FHIP1A: variants seen among roughly 807,000 people sequenced by gnomAD.
FHIP1A encodes the protein FHF complex subunit HOOK-interacting protein 1A.
A neutral mutation model predicts 88.6 loss-of-function variants in FHIP1A; 61 were observed. The ratio of observed to expected loss-of-function variants is 0.69; its 90% confidence interval spans 0.56 to 0.85. The LOEUF (loss-of-function observed/expected upper bound fraction) is 0.85. Among genes scored for constraint, FHIP1A ranks in the 40% least tolerant of loss-of-function variants. The pLI is 0.00. For synonymous variants in FHIP1A, 478 were observed against 496.0 expected (o/e 0.96, Z 0.48); for missense variants, 1,154 against 1,273.5 (o/e 0.91, Z 1.43).
At chr4:151,600,833 G>C (rs1734842064) in intron 7 of FHIP1A, among the ~76,000 whole-genome samples, 1 of 152,196 alleles carries the variant, frequency 6.6e-6, no homozygotes, top group African/African-American at 2.4e-5. Flanking sequence ...AGGACTCCGA[G>C]AGTGAGTGTG....
intron 3 of FHIP1A, among the ~76,000 whole-genome samples, chr4:151,489,372 G>T (rs986491748): frequency 3.3e-5 from 5 of 152,316 alleles, no homozygotes; most frequent in African/African-American, 1.2e-4. Flanking sequence ...GCAGAATTGG[G>T]GAGGGGCCAC....
intron 3 of FHIP1A, among the ~76,000 whole-genome samples, chr4:151,486,711 A>T (rs1032686936): frequency 6.6e-6 from 1 of 152,104 alleles, no homozygotes; most frequent in African/African-American, 2.4e-5. Flanking sequence ...TCATGTCTGT[A>T]ATCCCAGCAC....
At chr4:151,518,634 T>TTTCCCTCCCTCCCTCC (rs1731335564) in intron 3 of FHIP1A, among the ~76,000 whole-genome samples, 1 of 79,720 alleles carries the variant, frequency 1.3e-5, no homozygotes, top group African/African-American at 4.9e-5. Flanking sequence ...TAACTATCCA[T>TTTCCCTCCCTCCCTCC]TTCCCTCCCT....
At chr4:151,596,078 T>A (rs1329205301) in intron 7 of FHIP1A, among the ~76,000 whole-genome samples, 1 of 152,228 alleles carries the variant, frequency 6.6e-6, no homozygotes, top group Non-Finnish European at 1.5e-5. Context: ...TGATGCTAGC[T>A]GGTTATTTTG....
At chr4:151,542,074 G>A (rs2126729092) in intron 3 of FHIP1A, among the ~76,000 whole-genome samples, 2 of 152,172 alleles carry the variant, frequency 1.3e-5, no homozygotes, top group South Asian at 4.2e-4. Flanking sequence ...CTCTCACTTT[G>A]TTGAGAGGTT....
rs1728908845 is a variant in FHIP1A, at chr4:151,454,681, A to AC, written c.-355-19dup. ...AAATGCACAGGTGTTTTTCTGAAGG[A>AC]CTTTTTTTTTTTTTTCCAGGTGATA... On this transcript the variant is annotated intron_variant, in intron 1 of 13. Coordinates refer to ENST00000435205, the MANE Select transcript of FHIP1A (RefSeq NM_001109977.3). 1 of 150,798 alleles carries AC rather than the reference A, an allele frequency of 6.6e-6. No individual in the cohort carries two copies. The highest frequency in any genetic ancestry group is 2.4e-5 in the African/African-American group (1 of 40,990). 9.3% of individuals were successfully genotyped at this position (150,798 alleles called of 1,614,324 possible).
At chr4:151,473,615 T>C (rs764894224) in intron 2 of FHIP1A, among the ~76,000 whole-genome samples, 4 of 152,174 alleles carry the variant, frequency 2.6e-5, no homozygotes, top group Non-Finnish European at 5.9e-5. Flanking sequence ...TTTACCTCTC[T>C]CTGTGTGAAA....
intron 3 of FHIP1A, among the ~76,000 whole-genome samples, chr4:151,558,031 CT>C (rs1335826592): frequency 2.0e-5 from 3 of 152,116 alleles, no homozygotes; most frequent in African/African-American, 7.2e-5. Context: ...GGTAAACAAT[CT>C]TGTCAGAATT....
intron 3 of FHIP1A, among the ~76,000 whole-genome samples, chr4:151,530,787 C>G (rs1326973916): frequency 6.6e-6 from 1 of 152,184 alleles, no homozygotes; most frequent in Admixed American, 6.5e-5. Flanking sequence ...CTGAAACATT[C>G]TGGCTGGGTG....
At chr4:151,530,357 G>A (rs931029282) in intron 3 of FHIP1A, among the ~76,000 whole-genome samples, 1 of 152,152 alleles carries the variant, frequency 6.6e-6, no homozygotes, top group Admixed American at 6.5e-5. Context: ...CTGGCACATG[G>A]TAGGCATACG....
intron 9 of FHIP1A, among the ~76,000 whole-genome samples, chr4:151,645,529 C>G (rs1454816969): frequency 2.6e-5 from 4 of 151,276 alleles, no homozygotes; most frequent in African/African-American, 9.7e-5. Flanking sequence ...AAACCTTAAT[C>G]TTAGCTTGTT....
chr4:151,634,225 T>C (rs1326152523), intron 8 of FHIP1A, among the ~76,000 whole-genome samples: 1 of 151,718 alleles, frequency 6.6e-6, no homozygotes, highest in Non-Finnish European at 1.5e-5. Flanking sequence ...GGTGAAAGAC[T>C]TGTGCACTGA....
intron 1 of FHIP1A, among the ~76,000 whole-genome samples, chr4:151,418,172 TAAAAAAAAAAAAAA>T (rs1040622837): frequency 1.5e-4 from 12 of 77,930 alleles, no homozygotes; most frequent in African/African-American, 6.2e-4. Flanking sequence ...AACCTATCTC[TAAAAAAAAAAAAAA>T]AAAAAAAAAC....
At chr4:151,541,167 A>G (rs111685716) in intron 3 of FHIP1A, among the ~76,000 whole-genome samples, 8 of 152,220 alleles carry the variant, frequency 5.3e-5, no homozygotes, top group African/African-American at 1.9e-4. Flanking sequence ...CAAAAAGACT[A>G]GAGATCATTG....
chr4:151,530,791 C>T (rs996992764), intron 3 of FHIP1A, among the ~76,000 whole-genome samples: 9 of 152,188 alleles, frequency 5.9e-5, no homozygotes, highest in African/African-American at 1.7e-4. Flanking sequence ...AACATTCTGG[C>T]TGGGTGACCT....
intron 3 of FHIP1A, among the ~76,000 whole-genome samples, chr4:151,530,494 C>T (rs1330116021): frequency 6.6e-6 from 1 of 152,106 alleles, no homozygotes; most frequent in Non-Finnish European, 1.5e-5. Context: ...TCTTTTTGTT[C>T]AAATTTTACC....
At chr4:151,447,767 G>T (rs1177176167) in intron 1 of FHIP1A, among the ~76,000 whole-genome samples, 1 of 152,152 alleles carries the variant, frequency 6.6e-6, no homozygotes, top group Non-Finnish European at 1.5e-5. Context: ...CTTATAAGAA[G>T]AGGAAATACA....
chr4:151,440,444 C>T (rs917911210), intron 1 of FHIP1A, among the ~76,000 whole-genome samples: 2 of 152,150 alleles, frequency 1.3e-5, no homozygotes, highest in African/African-American at 4.8e-5. Context: ...GTCTACTGGA[C>T]AATTTCTAGT....
chr4:151,459,028 C>G (rs1729060379), intron 2 of FHIP1A, among the ~76,000 whole-genome samples: 2 of 152,144 alleles, frequency 1.3e-5, no homozygotes, highest in Non-Finnish European at 2.9e-5. Context: ...CAAACCTTCT[C>G]TAAGTGACTT....
Sources: allele counts gnomAD v4.1 joint callset (sites outside exome capture counted in the v4.1 genomes callset), GRCh38; gene constraint gnomAD v4.1.1; transcripts MANE v1.5; gene names NCBI Gene and HGNC (gene_info 2026-07-23, HGNC 2026-07-21).